The following SUV39H2 variants were observed in gnomAD, a reference collection of about 807,000 sequenced individuals.
SUV39H2 encodes the protein histone-lysine N-methyltransferase SUV39H2.
Under a neutral mutation model 47.5 loss-of-function variants are expected in SUV39H2, and 10 were observed. The ratio of observed to expected loss-of-function variants is 0.21; its 90% CI spans 0.13 to 0.36. The LOEUF is 0.36. Ranked by LOEUF, SUV39H2 falls within the 10% of genes least tolerant of loss-of-function variation. The pLI, the probability that SUV39H2 is intolerant of heterozygous loss-of-function variation, is 1.00. For missense variants in SUV39H2, 266 were observed against 487.4 expected (o/e 0.55, Z 4.28); for synonymous variants, 159 against 166.8 (o/e 0.95, Z 0.36).
intron 3 of SUV39H2, chr10:14,899,055 G>T: frequency 1.7e-6 from 1 of 590,814 alleles, no homozygotes; most frequent in Non-Finnish European, 3.0e-6. Flanking sequence ...AAATCAACCA[G>T]TTACAGTTAA....
chr10:14,895,606 C>CT (rs1346885400), intron 2 of SUV39H2, among the ~76,000 whole-genome samples: 2 of 152,168 alleles, frequency 1.3e-5, no homozygotes, highest in Non-Finnish European at 1.5e-5. Context: ...CAACAACAGT[C>CT]TGAGGGATAG....
At position 14,901,195 on chromosome 10, in the gene SUV39H2, A is replaced by G; in HGVS notation, c.1059A>G (p.Arg353=). The change falls in exon 5 of 6, where the codon CGA becomes CGG. Residue 353 remains arginine, a synonymous_variant. Coordinates refer to ENST00000354919, the MANE Select transcript of SUV39H2 (RefSeq NM_001193424.2). ...ATAACCTCGATACTCGTCTTCCCCGAATAGCATTGTTTTCCACAAGAACCA... is the reference window on the plus strand; with the variant it reads ...ATAACCTCGATACTCGTCTTCCCCGGATAGCATTGTTTTCCACAAGAACCA... The part of the protein sequence containing the change: ...FIDNLDTRLP[R]IALFSTRTIN... The G allele has an allele frequency of 1.2e-6, 2 of 1,614,086 alleles. No individual in the cohort carries two copies. The highest frequency in any genetic ancestry group is 1.7e-6 in the Non-Finnish European group (2 of 1,179,970).
chr10:14,891,753 A>T (rs980926303), intron 2 of SUV39H2, among the ~76,000 whole-genome samples: 9 of 152,308 alleles, frequency 5.9e-5, no homozygotes, highest in Non-Finnish European at 1.3e-4. Flanking sequence ...ATAATCTGAT[A>T]TGGAAGGACA....
intron 2 of SUV39H2, among the ~76,000 whole-genome samples, chr10:14,891,911 G>A (rs185789307): frequency 5.2e-4 from 79 of 152,310 alleles, no homozygotes; most frequent in African/African-American, 1.7e-3. Context: ...GAGATCGTTT[G>A]TAGTAGGAAT....
At chr10:14,883,763 T>G (rs1833119840) in intron 2 of SUV39H2, among the ~76,000 whole-genome samples, 2 of 137,140 alleles carry the variant, frequency 1.5e-5, no homozygotes, top group Admixed American at 7.4e-5. Context: ...ACTTTAGGAG[T>G]CAGTTTTAGA....
chr10:14,901,193 C>G lies in SUV39H2; in HGVS notation c.1057C>G (p.Arg353Gly). 2 of 1,613,978 alleles carry G rather than the reference C, an allele frequency of 1.2e-6. No homozygotes were observed. The highest frequency in any genetic ancestry group is 1.7e-5 in the Admixed American group (1 of 60,010). The change falls in exon 5 of 6, where the codon CGA (arginine) becomes GGA (glycine). Residue 353 changes from arginine (R) to glycine (G), a missense_variant. This residue lies in a region of SUV39H2 where 112 missense variants were observed against 271.9 expected (regional missense o/e 0.41). Transcript: ENST00000354919. ...TGATAACCTCGATACTCGTCTTCCC[C>G]GAATAGCATTGTTTTCCACAAGAAC... ...FIDNLDTRLP[R>G]IALFSTRTIN...
Position 14,882,685 on chromosome 10 carries a change from T to A in SUV39H2, c.177+1040T>A, listed in dbSNP as rs192169851. Among the ~76,000 whole-genome samples, 18 of 152,358 alleles carry A rather than the reference T, an allele frequency of 1.2e-4. No individual in the cohort carries two copies. The East Asian group carries it at 3.5e-3, about 29-fold the overall frequency. On this transcript the variant is annotated intron_variant, in intron 2 of 5. Coordinates refer to ENST00000354919, the MANE Select transcript of SUV39H2 (RefSeq NM_001193424.2). ...CAGGTTTTCCAACTTGGATTACTTTTCTGGGTTTCTTACTCTATCCATTTC... is the reference window on the plus strand; with the variant it reads ...CAGGTTTTCCAACTTGGATTACTTTACTGGGTTTCTTACTCTATCCATTTC...
chr10:14,891,249 C>CA (rs1833379760), intron 2 of SUV39H2, among the ~76,000 whole-genome samples: 1 of 152,152 alleles, frequency 6.6e-6, no homozygotes, highest in Non-Finnish European at 1.5e-5. Context: ...GCAGGGGCAT[C>CA]AAAAGGCCTG....
Position 14,897,536 on chromosome 10 carries a change from G to T in SUV39H2, c.849+19G>T. 6.7e-7 allele frequency: 1 copy of T among 1,491,828 alleles called. No homozygotes were observed. The highest frequency in any genetic ancestry group is 8.9e-7 in the Non-Finnish European group (1 of 1,118,192). 92.4% of individuals were successfully genotyped at this position (1,491,828 alleles called of 1,614,324 possible). A position where few individuals can be genotyped will look rare whatever the true frequency, so the allele number is the denominator to read the frequency against. ...TGGAGAGGTATGTTTCATTTGCCACGTAGTAAATGATGGACATGCAAGGTT... is the reference window on the plus strand; with the variant it reads ...TGGAGAGGTATGTTTCATTTGCCACTTAGTAAATGATGGACATGCAAGGTT... On this transcript the variant is annotated intron_variant, in intron 3 of 5. Coordinates refer to ENST00000354919, the MANE Select transcript of SUV39H2 (RefSeq NM_001193424.2).
chr10:14,895,261 C>A (rs1416877058), intron 2 of SUV39H2, among the ~76,000 whole-genome samples: 1 of 151,826 alleles, frequency 6.6e-6, no homozygotes, highest in African/African-American at 2.4e-5. Flanking sequence ...ACTGCAACCT[C>A]CTCCTCCTGG....
At chr10:14,897,546 A>G (rs1833671480) in intron 3 of SUV39H2, 29 bp downstream of exon 3, 2 of 1,482,878 alleles carry the variant, frequency 1.3e-6, no homozygotes, top group African/African-American at 1.4e-5. Context: ...GTAGTAAATG[A>G]TGGACATGCA....
chr10:14,881,109 C>A (rs1480280166), intron 1 of SUV39H2, among the ~76,000 whole-genome samples: 2 of 152,034 alleles, frequency 1.3e-5, no homozygotes, highest in African/African-American at 2.4e-5. Flanking sequence ...AATAAGTGTC[C>A]TAGAGATTTA....
chr10:14,879,692 A>T (rs1832984624), intron 1 of SUV39H2: 1 of 152,098 alleles, frequency 6.6e-6, no homozygotes, highest in Non-Finnish European at 1.5e-5. Context: ...GCGTTCCGGA[A>T]TGTAAAGGTG....
At chr10:14,899,961 T>C (rs1214316227) in intron 4 of SUV39H2, among the ~76,000 whole-genome samples, 1 of 152,220 alleles carries the variant, frequency 6.6e-6, no homozygotes, top group African/African-American at 2.4e-5. Flanking sequence ...GTACGGTAGG[T>C]ATTACTTTCA....
intron 2 of SUV39H2, among the ~76,000 whole-genome samples, chr10:14,887,015 A>G (rs78793974): frequency 0.023 from 3,463 of 152,296 alleles, 116 homozygotes; most frequent in East Asian, 0.16. Context: ...CAGCCATCCT[A>G]AGGCAATGGG....
intron 2 of SUV39H2, among the ~76,000 whole-genome samples, chr10:14,889,528 G>A (rs1242022160): frequency 3.3e-5 from 5 of 152,206 alleles, no homozygotes; most frequent in South Asian, 2.1e-4. Flanking sequence ...AGAATTGACC[G>A]AGGAAGTGCG....
intron 4 of SUV39H2, among the ~76,000 whole-genome samples, chr10:14,899,951 G>T (rs1833881949): frequency 6.6e-6 from 1 of 152,122 alleles, no homozygotes; most frequent in Non-Finnish European, 1.5e-5. Flanking sequence ...TAGTAACTTT[G>T]TACGGTAGGT....
intron 2 of SUV39H2, among the ~76,000 whole-genome samples, chr10:14,895,297 C>T (rs1241358428): frequency 3.3e-5 from 5 of 151,536 alleles, no homozygotes; most frequent in African/African-American, 1.2e-4. Context: ...CTGCCTCAGC[C>T]TCCCAAGTAG....
intron 2 of SUV39H2, among the ~76,000 whole-genome samples, chr10:14,895,536 C>T (rs1564340874): frequency 6.6e-6 from 1 of 152,146 alleles, no homozygotes; most frequent in African/African-American, 2.4e-5. Flanking sequence ...GGGAGGAAAA[C>T]ATAGTCATTG....
Sources: gnomAD v4.1 joint callset for allele counts (sites outside exome capture counted in the v4.1 genomes callset) on GRCh38, gnomAD v4.1.1 for gene constraint, gnomAD v4.1.1 regional missense constraint, MANE v1.5 for transcripts, NCBI Gene and HGNC (gene_info 2026-07-23, HGNC 2026-07-21) for gene names.